LNX1: variants seen among roughly 807,000 people sequenced by gnomAD.
LNX1 encodes ligand of numb-protein X 1.
In LNX1, 54 loss-of-function variants were observed where a neutral mutation model predicts 68.4. The observed-to-expected ratio is 0.79, with a 90% CI of 0.63 to 0.99. The LOEUF (loss-of-function observed/expected upper bound fraction) is 0.99, where lower values mean the gene tolerates loss of function less well. Ranked by LOEUF, LNX1 falls within the 50% of genes least tolerant of loss-of-function variation. The pLI, the probability that LNX1 is intolerant of heterozygous loss-of-function variation, is 0.00. For missense variants in LNX1, 906 were observed against 926.4 expected, an observed-to-expected ratio of 0.98 and a Z score of 0.29; for synonymous variants, 336 against 350.0, an observed-to-expected ratio of 0.96 and a Z score of 0.45.
intron 9 of LNX1, among the ~76,000 whole-genome samples, chr4:53,463,378 T>G (rs1722339587): frequency 6.6e-6 from 1 of 151,918 alleles, no homozygotes; most frequent in Admixed American, 6.6e-5. Flanking sequence ...AGTAAACGCC[T>G]TCTTTTAGTG....
intron 2 of LNX1, among the ~76,000 whole-genome samples, chr4:53,535,264 T>C (rs1728288527): frequency 1.3e-5 from 2 of 152,234 alleles, no homozygotes; most frequent in South Asian, 2.1e-4. Context: ...AGACCAGGCT[T>C]TGTTGTTTTG....
At chr4:53,561,885 C>A (rs1730316137) in intron 2 of LNX1, among the ~76,000 whole-genome samples, 1 of 151,766 alleles carries the variant, frequency 6.6e-6, no homozygotes, top group Non-Finnish European at 1.5e-5. Flanking sequence ...CACACATACA[C>A]CTATGTAACA....
At chr4:53,580,212 C>T (rs572079572) in intron 1 of LNX1, among the ~76,000 whole-genome samples, 1 of 152,294 alleles carries the variant, frequency 6.6e-6, no homozygotes, top group African/African-American at 2.4e-5. Context: ...CCTCACCTGC[C>T]CTTTCCACAA....
At chr4:53,486,699 A>T (rs539042819) in intron 6 of LNX1, among the ~76,000 whole-genome samples, 1 of 152,328 alleles carries the variant, frequency 6.6e-6, no homozygotes, top group South Asian at 2.1e-4. Flanking sequence ...GAGAAAAAAA[A>T]GAGGGTTAAA....
At chr4:53,557,100 C>T (rs1729961963) in intron 2 of LNX1, among the ~76,000 whole-genome samples, 1 of 152,194 alleles carries the variant, frequency 6.6e-6, no homozygotes, top group African/African-American at 2.4e-5. Flanking sequence ...TGAAAGCTTA[C>T]TAACAAAAGG....
chr4:53,493,551 C>T (rs1429832422), intron 6 of LNX1, among the ~76,000 whole-genome samples: 1 of 152,230 alleles, frequency 6.6e-6, no homozygotes, highest in Non-Finnish European at 1.5e-5. Flanking sequence ...GAGGGATAAG[C>T]TACTGTACAG....
At chr4:53,575,393 G>C (rs190501904) in intron 1 of LNX1, 3 of 535,558 alleles carry the variant, frequency 5.6e-6, no homozygotes, top group Non-Finnish European at 7.2e-6. Flanking sequence ...CATCTAGGAA[G>C]TCTCTTGCGT....
At chr4:53,492,502 GCT>G (rs1345346239) in intron 6 of LNX1, among the ~76,000 whole-genome samples, 9 of 25,798 alleles carry the variant, frequency 3.5e-4, no homozygotes, top group Non-Finnish European at 6.4e-4. Context: ...GCCTCAGAGG[GCT>G]CTGAGAGAGA....
At chr4:53,504,267 A>G (rs751506106) in intron 4 of LNX1, among the ~76,000 whole-genome samples, 2 of 152,260 alleles carry the variant, frequency 1.3e-5, no homozygotes, top group Non-Finnish European at 2.9e-5. Context: ...CTGCTTCGCT[A>G]CAATCTGCAT....
At chr4:53,504,289 C>G (rs1244727307) in intron 4 of LNX1, among the ~76,000 whole-genome samples, 2 of 152,250 alleles carry the variant, frequency 1.3e-5, no homozygotes, top group Admixed American at 6.5e-5. Context: ...TGCTGCTTTG[C>G]CTTGCACTTT....
At chr4:53,476,535 C>G (rs1277736665) in intron 9 of LNX1, among the ~76,000 whole-genome samples, 2 of 152,168 alleles carry the variant, frequency 1.3e-5, no homozygotes, top group Non-Finnish European at 2.9e-5. Context: ...GAACGCCAAA[C>G]AGTATTTCCA....
chr4:53,470,448 C>G (rs1723074125), intron 9 of LNX1, among the ~76,000 whole-genome samples: 2 of 152,198 alleles, frequency 1.3e-5, no homozygotes, highest in Admixed American at 6.5e-5. Flanking sequence ...GATGCCCTCT[C>G]TCACCACTTC....
chr4:53,591,552 A>G (rs1732505930), upstream of LNX1: 2 of 985,382 alleles, frequency 2.0e-6, no homozygotes, highest in Admixed American at 6.2e-5. Context: ...GCTCCAGACC[A>G]GGAAATGGGT....
intron 1 of LNX1, among the ~76,000 whole-genome samples, chr4:53,637,141 A>T (rs1161512752): frequency 1.3e-5 from 2 of 152,162 alleles, no homozygotes; most frequent in Non-Finnish European, 2.9e-5. Context: ...CTGGCAAAAA[A>T]AATCTCATAA....
chr4:53,576,642 T>C (rs1413587092), intron 1 of LNX1, among the ~76,000 whole-genome samples: 1 of 148,696 alleles, frequency 6.7e-6, no homozygotes, highest in Non-Finnish European at 1.5e-5. Flanking sequence ...AAAAATAAAT[T>C]AAAAAAAAAA....
chr4:53,641,262 A>C (rs1378369202), intron 1 of LNX1, among the ~76,000 whole-genome samples: 3 of 152,226 alleles, frequency 2.0e-5, no homozygotes, highest in African/African-American at 7.2e-5. Context: ...CTATGCAAAT[A>C]TATCCAGTGC....
chr4:53,470,829 GAAATA>G (rs1330882430), intron 9 of LNX1, among the ~76,000 whole-genome samples: 1 of 151,966 alleles, frequency 6.6e-6, no homozygotes, highest in East Asian at 1.9e-4. Context: ...ACTGCTCAAT[GAAATA>G]AAATAGGATA....
chr4:53,510,076 T>C (rs1435224), intron 2 of LNX1, among the ~76,000 whole-genome samples: 146,223 of 152,350 alleles, frequency 0.96, 70,462 homozygotes, highest in East Asian at 1. Flanking sequence ...GCAAATGTTT[T>C]ATCTGCTTAG....
intron 2 of LNX1, among the ~76,000 whole-genome samples, chr4:53,602,162 G>A (rs1733044523): frequency 6.6e-6 from 1 of 152,170 alleles, no homozygotes; most frequent in South Asian, 2.1e-4. Flanking sequence ...TGAAAATGAA[G>A]TTACTCTCCG....
Sources: gnomAD v4.1 joint callset for allele counts (sites outside exome capture counted in the v4.1 genomes callset) on GRCh38, gnomAD v4.1.1 for gene constraint, MANE v1.5 for transcripts, NCBI Gene and HGNC (gene_info 2026-07-23, HGNC 2026-07-21) for gene names.